PRKAG2: variants seen among roughly 807,000 people sequenced by gnomAD.
PRKAG2 encodes 5'-AMP-activated protein kinase subunit gamma-2.
Under a neutral mutation model 69.6 loss-of-function variants are expected in PRKAG2, and 26 were observed. That is an observed-to-expected ratio of 0.37 (90% confidence interval 0.27 to 0.52). The LOEUF is 0.52. Ranked by LOEUF, PRKAG2 falls within the 20% of genes least tolerant of loss-of-function variation. The pLI, the probability that PRKAG2 is intolerant of heterozygous loss-of-function variation, is 0.90. For synonymous variants in PRKAG2, 293 were observed against 285.0 expected, an observed-to-expected ratio of 1.03 and a Z score of -0.28; for missense variants, 557 against 740.0, an observed-to-expected ratio of 0.75 and a Z score of 2.87.
chr7:151,666,128 C>G (rs180711990), intron 4 of PRKAG2, among the ~76,000 whole-genome samples: 2 of 152,310 alleles, frequency 1.3e-5, no homozygotes, highest in African/African-American at 4.8e-5. Flanking sequence ...AACAAATCAC[C>G]AAAAACTCAG....
intron 3 of PRKAG2, among the ~76,000 whole-genome samples, chr7:151,691,480 T>C (rs1835653548): frequency 1.1e-5 from 1 of 93,510 alleles, no homozygotes; most frequent in Non-Finnish European, 2.4e-5. Flanking sequence ...CAAAAAAAAC[T>C]CAGTAAAAAA....
At chr7:151,775,046 GGCTGC>G (rs1218368359) in intron 3 of PRKAG2, among the ~76,000 whole-genome samples, 12 of 152,244 alleles carry the variant, frequency 7.9e-5, no homozygotes, top group African/African-American at 2.9e-4. Context: ...CTGGATGTGA[GGCTGC>G]ATCGCCCTCC....
In PRKAG2 at chr7:151,809,675, G is replaced by C. The variant is rs147624358; in HGVS notation, c.115-23134C>G. On this transcript the variant is annotated intron_variant, in intron 1 of 15. Coordinates refer to ENST00000287878, the MANE Select transcript of PRKAG2 (RefSeq NM_016203.4). ...TATCCAGAAAGCTCATCTTTGAAGA[G>C]CTACCCATTTCCTGCCAAAGTTGTG... 2.1e-3 allele frequency: 334 copies of C among 160,806 alleles called. 2 individuals are homozygous for C. The highest frequency in any genetic ancestry group is 3.7e-3 in the Admixed American group (60 of 16,292). The allele number at this position is 160,806 out of a possible 1,614,324, so 10.0% of individuals were successfully genotyped here. A position where few individuals can be genotyped will look rare whatever the true frequency, so the allele number is the denominator to read the frequency against.
intron 4 of PRKAG2, among the ~76,000 whole-genome samples, chr7:151,663,196 T>C (rs1351036535): frequency 6.6e-6 from 1 of 152,230 alleles, no homozygotes; most frequent in Non-Finnish European, 1.5e-5. Flanking sequence ...TGTGCAGCCC[T>C]TCCTTACTCA....
rs570325997 is a variant in PRKAG2, at chr7:151,644,777, C to T, written c.685-12639G>A. ...CCACCCATTTCACAGACTGGCTGTA[C>T]CATTTTACATTTCTGCCCAAAGTGG... On this transcript the variant is annotated intron_variant, in intron 4 of 15. Coordinates refer to ENST00000287878, the MANE Select transcript of PRKAG2 (RefSeq NM_016203.4). 4.6e-5 allele frequency among the ~76,000 whole-genome samples: 7 copies of T among 152,266 alleles called. No individual in the cohort carries two copies. The East Asian group carries it at 1.3e-3, about 29-fold the overall frequency.
intron 3 of PRKAG2, among the ~76,000 whole-genome samples, chr7:151,735,650 C>T (rs550873043): frequency 1.3e-5 from 2 of 152,328 alleles, no homozygotes; most frequent in South Asian, 4.1e-4. Context: ...CCATCACTAG[C>T]CTCCCTGGGC....
At chr7:151,851,521 A>T (rs2079568771) in intron 1 of PRKAG2, among the ~76,000 whole-genome samples, 1 of 152,204 alleles carries the variant, frequency 6.6e-6, no homozygotes, top group African/African-American at 2.4e-5. Flanking sequence ...GTGGGCAAGC[A>T]GCTCTTGTGA....
intron 4 of PRKAG2, among the ~76,000 whole-genome samples, chr7:151,662,111 G>A (rs541206282): frequency 7.9e-5 from 12 of 152,256 alleles, no homozygotes; most frequent in African/African-American, 1.7e-4. Flanking sequence ...AGAATTAAAC[G>A]ACATTTGCTT....
intron 5 of PRKAG2, among the ~76,000 whole-genome samples, chr7:151,613,334 A>T (rs572353313): frequency 3.9e-5 from 6 of 152,120 alleles, no homozygotes; most frequent in Admixed American, 2.6e-4. Context: ...CAAAATCCAA[A>T]TTTTTTTGAG....
intron 3 of PRKAG2, among the ~76,000 whole-genome samples, chr7:151,742,860 T>G (rs867470551): frequency 6.6e-6 from 1 of 152,126 alleles, no homozygotes; most frequent in African/African-American, 2.4e-5. Flanking sequence ...GACTCACACA[T>G]GCCTGAAATT....
intron 3 of PRKAG2, among the ~76,000 whole-genome samples, chr7:151,708,452 C>T (rs1030454500): frequency 6.6e-6 from 1 of 152,156 alleles, no homozygotes; most frequent in Non-Finnish European, 1.5e-5. Flanking sequence ...AGTAAATGTA[C>T]CAGTATCTTC....
intron 1 of PRKAG2, among the ~76,000 whole-genome samples, chr7:151,832,511 C>T (rs1253601219): frequency 1.3e-5 from 2 of 151,604 alleles, no homozygotes; most frequent in African/African-American, 2.4e-5. Flanking sequence ...AGGGTCAGGG[C>T]GGCTGAACAC....
chr7:151,791,515 A>G (rs1000998114), intron 1 of PRKAG2, among the ~76,000 whole-genome samples: 4 of 152,242 alleles, frequency 2.6e-5, no homozygotes, highest in Non-Finnish European at 4.4e-5. Flanking sequence ...CTGAGGCACC[A>G]AGAGATGCTG....
At position 151,685,763 on chromosome 7, in the gene PRKAG2, T is replaced by C. The variant is rs1297427329; in HGVS notation, c.467-10126A>G. 6.6e-5 allele frequency among the ~76,000 whole-genome samples: 5 copies of C among 75,404 alleles called. No individual in the cohort carries two copies. The East Asian group carries it at 2.5e-3, about 38-fold the overall frequency. 49.5% of individuals were successfully genotyped at this position (75,404 alleles called of 152,430 possible). On this transcript the variant is annotated intron_variant, in intron 3 of 15. Transcript: ENST00000287878. ...CAATCTGGGTGACAGAAAGACCCTG[T>C]CTCTAAAAAAAAAAAAAAAAATTCT...
Position 151,632,515 on chromosome 7 carries a change from C to A in PRKAG2, c.685-377G>T. The A allele has an allele frequency of 2.1e-6, 2 of 938,292 alleles. No individual in the cohort carries two copies. Among genetic ancestry groups the A allele is most frequent in the Non-Finnish European group, 2.5e-6 (2 of 787,478 alleles). The allele number at this position is 938,292 out of a possible 1,614,324, so 58.1% of individuals were successfully genotyped here. On this transcript the variant is annotated intron_variant, in intron 4 of 15. Coordinates refer to ENST00000287878, the MANE Select transcript of PRKAG2 (RefSeq NM_016203.4). The surrounding 1 kb of genome is among the most constrained non-coding windows in gnomAD (Gnocchi z 4.2). Reference sequence around the variant, plus strand: ...CGTGGCCCGCGTCCTCCCCGCCGTGCCGCCATTGGGAGAGGCCCGCGGCCC... The same window carrying A: ...CGTGGCCCGCGTCCTCCCCGCCGTGACGCCATTGGGAGAGGCCCGCGGCCC...
intron 5 of PRKAG2, among the ~76,000 whole-genome samples, chr7:151,597,829 C>T (rs906326182): frequency 4.0e-5 from 6 of 150,046 alleles, no homozygotes; most frequent in Non-Finnish European, 8.9e-5. Context: ...AGCCCCCCCC[C>T]CCGCTCTTTT....
intron 1 of PRKAG2, among the ~76,000 whole-genome samples, chr7:151,861,852 G>A (rs897574236): frequency 6.6e-6 from 1 of 151,968 alleles, no homozygotes; most frequent in Non-Finnish European, 1.5e-5. Flanking sequence ...TTGACACCGG[G>A]GTTGCGACCT....
At chr7:151,600,712 GC>G (rs1370485520) in intron 5 of PRKAG2, among the ~76,000 whole-genome samples, 1 of 152,120 alleles carries the variant, frequency 6.6e-6, no homozygotes, top group African/African-American at 2.4e-5. Context: ...GTCTCCTGTA[GC>G]CTTTGACCTC....
chr7:151,580,847 A>G (rs940731161), intron 6 of PRKAG2, among the ~76,000 whole-genome samples: 5 of 152,116 alleles, frequency 3.3e-5, no homozygotes, highest in Non-Finnish European at 7.4e-5. Flanking sequence ...TCATGGATAA[A>G]AAAATGTAGT....
Sources: allele counts gnomAD v4.1 joint callset (sites outside exome capture counted in the v4.1 genomes callset), GRCh38; gene constraint gnomAD v4.1.1; non-coding constraint Gnocchi (gnomAD v3.1); transcripts MANE v1.5; gene names NCBI Gene and HGNC (gene_info 2026-07-23, HGNC 2026-07-21).